Variants in ACSS1 observed in about 807,000 individuals in gnomAD.
ACSS1 encodes acyl-CoA synthetase short chain family member 1, also known as acetyl-coenzyme A synthetase 2-like, mitochondrial.
In ACSS1, 42 loss-of-function variants were observed where a neutral mutation model predicts 75.3. The observed-to-expected ratio is 0.56, with a 90% confidence interval of 0.44 to 0.72. The LOEUF (loss-of-function observed/expected upper bound fraction) is 0.72. Among genes scored for constraint, ACSS1 ranks in the 30% least tolerant of loss-of-function variants. The pLI, the probability that ACSS1 is intolerant of heterozygous loss-of-function variation, is 0.00. For missense variants in ACSS1, 782 were observed against 935.7 expected, an observed-to-expected ratio of 0.84 and a Z score of 2.14; for synonymous variants, 380 against 376.8, an observed-to-expected ratio of 1.01 and a Z score of -0.10.
chr20:25,044,218 C>T (rs911106320), intron 2 of ACSS1, among the ~76,000 whole-genome samples: 3 of 152,216 alleles, frequency 2.0e-5, no homozygotes, highest in African/African-American at 7.2e-5. Flanking sequence ...AAGCCTCATT[C>T]ATCTACCTGG....
chr20:25,044,299 G>T (rs1031416178), intron 2 of ACSS1, among the ~76,000 whole-genome samples: 3 of 152,188 alleles, frequency 2.0e-5, no homozygotes, highest in Non-Finnish European at 4.4e-5. Context: ...TCTAGAACCT[G>T]CCCATGTGAA....
At chr20:25,032,641 C>A in intron 2 of ACSS1, 2 of 1,225,682 alleles carry the variant, frequency 1.6e-6, no homozygotes, top group Non-Finnish European at 1.0e-6. Context: ...TCCTCGGGCT[C>A]TCAAGGCCGC....
chr20:25,024,427 T>C (rs936399780), intron 3 of ACSS1, among the ~76,000 whole-genome samples: 7 of 152,108 alleles, frequency 4.6e-5, no homozygotes, highest in East Asian at 1.9e-4. Flanking sequence ...GGGGGGTTAC[T>C]ACACAGCCCC....
rs1568849649 is a variant in ACSS1 at position 25,048,201 on chromosome 20, GC to G, written c.335-21del. The G allele has an allele frequency of 6.2e-7, 1 of 1,608,674 alleles. No individual in the cohort carries two copies. Among genetic ancestry groups the G allele is most frequent in the Non-Finnish European group, 8.5e-7 (1 of 1,177,868 alleles). On this transcript the variant is annotated intron_variant, in intron 1 of 13. Transcript: ENST00000323482. ...AGTTGACTGTACAAAAAGAGGGTTT[GC>G]GGATGTTACACTTGGTGCTTTTTGA... is the stretch of plus-strand genomic sequence containing the variant.
At chr20:25,035,633 A>G (rs142301880) in intron 2 of ACSS1, among the ~76,000 whole-genome samples, 4 of 152,026 alleles carry the variant, frequency 2.6e-5, no homozygotes, top group Non-Finnish European at 5.9e-5. Flanking sequence ...TGAACTCCTG[A>G]CCTCAAGTGA....
At chr20:25,028,154 T>C (rs1235113073) in intron 3 of ACSS1, among the ~76,000 whole-genome samples, 1 of 152,228 alleles carries the variant, frequency 6.6e-6, no homozygotes, top group Non-Finnish European at 1.5e-5. Context: ...TATCCCATGT[T>C]TGTGGATTAA....
In ACSS1 at chr20:25,009,332, GCAC is replaced by G. The variant is rs1255600676; in HGVS notation, c.1825_1827del (p.Val609del). 1 of 1,614,230 alleles carries G rather than the reference GCAC, an allele frequency of 6.2e-7. No individual in the cohort carries two copies. Among genetic ancestry groups the G allele is most frequent in the East Asian group, 2.2e-5 (1 of 44,888 alleles). Reference sequence around the variant, plus strand: ...GTGGCCACCATGGACTTGAGCTCCTGCACCACCACATCTGAGTCACCCGCACTA... The same window carrying G: ...GTGGCCACCATGGACTTGAGCTCCTGCACCACATCTGAGTCACCCGCACTA... On this transcript the variant is annotated inframe_deletion, in exon 13 of 14. Coordinates refer to ENST00000323482, the MANE Select transcript of ACSS1 (RefSeq NM_032501.4).
At chr20:25,033,684 A>G (rs1056014559) in intron 2 of ACSS1, among the ~76,000 whole-genome samples, 22 of 152,252 alleles carry the variant, frequency 1.4e-4, no homozygotes, top group African/African-American at 4.3e-4. Flanking sequence ...AGTGTCCTCC[A>G]GGAGCACAGC....
At chr20:25,027,292 G>A (rs1358910815) in intron 3 of ACSS1, among the ~76,000 whole-genome samples, 2 of 152,168 alleles carry the variant, frequency 1.3e-5, no homozygotes, top group Non-Finnish European at 2.9e-5. Flanking sequence ...TTCATTTTAT[G>A]AGGCCAGCAT....
At chr20:25,013,064 A>G in intron 10 of ACSS1, 125 bp from the exon 11 acceptor site, 1 of 1,403,692 alleles carries the variant, frequency 7.1e-7, no homozygotes, top group African/African-American at 1.4e-5. Context: ...CCCTCCTTGC[A>G]ACTCCGATGC....
chr20:25,008,423 T>C (rs572352481), intron 13 of ACSS1, among the ~76,000 whole-genome samples: 11 of 152,352 alleles, frequency 7.2e-5, no homozygotes, highest in Non-Finnish European at 1.3e-4. Context: ...CAAATGGCAA[T>C]GCATTAAGAG....
At position 25,006,853 on chromosome 20, in the gene ACSS1, G is replaced by C. The variant is rs919634448; in HGVS notation, c.*909C>G. On this transcript the variant is annotated 3_prime_UTR_variant, in exon 14 of 14. Transcript: ENST00000323482. ...GCAGCGTTTGCCAGGATTTGGCTCT[G>C]ACCAAGTTAGTGCTCTAACAAGTCA... The C allele has an allele frequency of 2.6e-6, 4 of 1,535,460 alleles. No homozygotes were observed. In the East Asian group the frequency reaches 9.8e-5, roughly 38 times the overall value.
chr20:25,043,793 C>A lies in ACSS1; in HGVS notation c.431+4292G>T, dbSNP rs568213139. ...TCTGCTCCTCCGTGCTTCATGCACG[C>A]CTGCCAGGGCTGGAATACTGGGGCC... is the stretch of plus-strand genomic sequence containing the variant. On this transcript the variant is annotated intron_variant, in intron 2 of 13. Coordinates refer to ENST00000323482, the MANE Select transcript of ACSS1 (RefSeq NM_032501.4). 2.0e-5 allele frequency among the ~76,000 whole-genome samples: 3 copies of A among 152,222 alleles called. No homozygotes were observed. The South Asian group carries it at 6.2e-4, about 31-fold the overall frequency.
At chr20:25,017,816 G>A (rs1359701733) in intron 7 of ACSS1, among the ~76,000 whole-genome samples, 2 of 152,210 alleles carry the variant, frequency 1.3e-5, no homozygotes, top group East Asian at 3.9e-4. Context: ...CTTCCTTCAG[G>A]AGACAAATCC....
At chr20:25,043,273 C>A (rs1187295578) in intron 2 of ACSS1, among the ~76,000 whole-genome samples, 1 of 152,222 alleles carries the variant, frequency 6.6e-6, no homozygotes, top group Non-Finnish European at 1.5e-5. Context: ...TCCTGCTCCC[C>A]CCAAGGGACC....
chr20:25,007,896 G>A lies in ACSS1; in HGVS notation c.1936C>T (p.Arg646Trp), dbSNP rs371113008. 10 of 1,614,080 alleles carry A rather than the reference G, an allele frequency of 6.2e-6. No homozygotes were observed. Among genetic ancestry groups the A allele is most frequent in the East Asian group, 2.2e-5 (1 of 44,896 alleles). Residue 646 changes from arginine (R) to tryptophan (W), a missense_variant, in exon 14 of 14, where the codon CGG (arginine) becomes TGG (tryptophan). Arg to Trp is a moderately radical substitution (Grantham distance 101). Transcript: ENST00000323482. ...PKTRSGKVMR[R>W]LLRKIITSEA... ...CTAGTGATGATCTTCCTCAGGAGCC[G>A]CCGCATGACCTTCCCAGACCTGGTT...
At chr20:25,039,806 G>A (rs960255688) in intron 2 of ACSS1, among the ~76,000 whole-genome samples, 2 of 152,312 alleles carry the variant, frequency 1.3e-5, no homozygotes, top group African/African-American at 4.8e-5. Context: ...TTTTCCCTTC[G>A]ACCTCAGCAC....
At chr20:25,036,996 A>AAAGGAAGGAAGGAAG (rs1568843562) in intron 2 of ACSS1, among the ~76,000 whole-genome samples, 1 of 79,240 alleles carries the variant, frequency 1.3e-5, no homozygotes, top group Admixed American at 1.5e-4. Flanking sequence ...AAAGAAAGAA[A>AAAGGAAGGAAGGAAG]GAAGAAAGAA....
chr20:25,035,204 C>G (rs1425174669), intron 2 of ACSS1, among the ~76,000 whole-genome samples: 1 of 151,870 alleles, frequency 6.6e-6, no homozygotes, highest in African/African-American at 2.4e-5. Flanking sequence ...CGACCATATG[C>G]ATTTTTAAAA....
Sources: allele counts gnomAD v4.1 joint callset (sites outside exome capture counted in the v4.1 genomes callset), GRCh38; gene constraint gnomAD v4.1.1; transcripts MANE v1.5; gene names NCBI Gene and HGNC (gene_info 2026-07-23, HGNC 2026-07-21).